PTPRN2: variants seen among roughly 807,000 people sequenced by gnomAD.
The protein encoded by PTPRN2 is receptor-type tyrosine-protein phosphatase N2.
In PTPRN2, 74 loss-of-function variants were observed where a neutral mutation model predicts 118.8. The observed-to-expected ratio is 0.62, with a 90% CI of 0.52 to 0.76. The LOEUF (loss-of-function observed/expected upper bound fraction) is 0.76. Among genes scored for constraint, PTPRN2 ranks in the 30% least tolerant of loss-of-function variants. PTPRN2 has a pLI of 0.00. For synonymous variants in PTPRN2, 641 were observed against 608.0 expected (o/e 1.05, Z -0.80); for missense variants, 1,481 against 1,394.4 (o/e 1.06, Z -0.99).
chr7:158,268,177 A>G (rs2150950272), intron 3 of PTPRN2, among the ~76,000 whole-genome samples: 1 of 152,356 alleles, frequency 6.6e-6, no homozygotes, highest in African/African-American at 2.4e-5. Flanking sequence ...TCAGTGACAC[A>G]ATGCCGCCTG....
intron 6 of PTPRN2, among the ~76,000 whole-genome samples, chr7:158,157,852 G>A (rs934417856): frequency 6.6e-6 from 1 of 152,178 alleles, no homozygotes; most frequent in South Asian, 2.1e-4. Flanking sequence ...AAGGCCTCAG[G>A]CAGTGCACAC....
At chr7:157,825,379 A>G (rs1807106435) in intron 12 of PTPRN2, among the ~76,000 whole-genome samples, 1 of 151,980 alleles carries the variant, frequency 6.6e-6, no homozygotes, top group Non-Finnish European at 1.5e-5. Context: ...TGTTTCTGGG[A>G]CCTCAGAGGC....
At chr7:158,202,189 A>C (rs1000686077) in intron 4 of PTPRN2, among the ~76,000 whole-genome samples, 4 of 152,230 alleles carry the variant, frequency 2.6e-5, no homozygotes, top group African/African-American at 7.2e-5. Flanking sequence ...AATATACTAG[A>C]AAGTAGATCA....
intron 1 of PTPRN2, among the ~76,000 whole-genome samples, chr7:158,557,349 C>T (rs1027413558): frequency 7.1e-6 from 1 of 140,282 alleles, no homozygotes; most frequent in Admixed American, 7.0e-5. Flanking sequence ...GCAGGTCAGA[C>T]GGCTCCCACG....
intron 6 of PTPRN2, among the ~76,000 whole-genome samples, chr7:158,149,419 G>T (rs780675099): frequency 1.3e-5 from 2 of 149,594 alleles, no homozygotes; most frequent in African/African-American, 2.5e-5. Flanking sequence ...AAATGTATAA[G>T]ATGTTACCTT....
intron 1 of PTPRN2, among the ~76,000 whole-genome samples, chr7:158,493,750 TG>T (rs1821620016): frequency 9.9e-6 from 1 of 100,914 alleles, no homozygotes; most frequent in Non-Finnish European, 2.1e-5. Context: ...CACACGTACA[TG>T]GGTACACTCA....
At chr7:158,333,165 C>A (rs536690039) in intron 2 of PTPRN2, among the ~76,000 whole-genome samples, 1 of 107,410 alleles carries the variant, frequency 9.3e-6, no homozygotes, top group Non-Finnish European at 1.9e-5. Context: ...GAGGTGACAC[C>A]TGCAGACGTC....
chr7:158,304,460 CA>C (rs1801129918), intron 3 of PTPRN2, among the ~76,000 whole-genome samples: 1 of 145,520 alleles, frequency 6.9e-6, no homozygotes, highest in African/African-American at 2.6e-5. Flanking sequence ...CCCGTCAATA[CA>C]CTAAGATGTA....
At chr7:157,597,258 GAAA>G (rs1430651214) in intron 16 of PTPRN2, among the ~76,000 whole-genome samples, 40 of 152,322 alleles carry the variant, frequency 2.6e-4, no homozygotes, top group African/African-American at 9.4e-4. Context: ...ACCTCGTTTT[GAAA>G]TTCGCCACAA....
At chr7:157,943,303 C>T (rs553751199) in intron 11 of PTPRN2, among the ~76,000 whole-genome samples, 14 of 152,268 alleles carry the variant, frequency 9.2e-5, no homozygotes, top group Middle Eastern at 3.4e-3. Flanking sequence ...CTGCGGACCC[C>T]CAGAGGGTCT....
rs78616473 is a variant in PTPRN2 at position 158,546,047 on chromosome 7, G to C, written c.112+41511C>G. ...TACAGGACTTTCAAAATTCCAGGAG[G>C]TAATTTACCTCCAGCAAGGGCTGGA... On this transcript the variant is annotated intron_variant, in intron 1 of 22. Coordinates refer to ENST00000389418, the MANE Select transcript of PTPRN2 (RefSeq NM_002847.5). This position sits in a 1 kb window ranked among gnomAD's most constrained non-coding sequence, Gnocchi z 5.0. Among the ~76,000 whole-genome samples, 1 of 152,176 alleles carries C rather than the reference G, an allele frequency of 6.6e-6. No homozygotes were observed. The highest frequency in any genetic ancestry group is 1.5e-5 in the Non-Finnish European group (1 of 68,034).
At chr7:157,689,635 C>T (rs1349754775) in intron 12 of PTPRN2, among the ~76,000 whole-genome samples, 1 of 152,236 alleles carries the variant, frequency 6.6e-6, no homozygotes, top group Non-Finnish European at 1.5e-5. Context: ...CGGAACTGCA[C>T]AGGTAGTTAC....
intron 12 of PTPRN2, among the ~76,000 whole-genome samples, chr7:157,765,014 T>TTCCA (rs111203008): frequency 0.12 from 17,486 of 145,422 alleles, 1,301 homozygotes; most frequent in African/African-American, 0.2. Context: ...TCCATCATTC[T>TTCCA]TCCATCCATC....
chr7:157,781,741 C>G (rs1196315629), intron 12 of PTPRN2, among the ~76,000 whole-genome samples: 2 of 152,226 alleles, frequency 1.3e-5, no homozygotes, highest in African/African-American at 4.8e-5. Context: ...ATCAAGTCAT[C>G]TGACTTCACA....
chr7:158,073,508 C>T (rs1206895387), intron 11 of PTPRN2, among the ~76,000 whole-genome samples: 1 of 152,222 alleles, frequency 6.6e-6, no homozygotes. Context: ...AGCTGCCCTG[C>T]AGAACACAGC....
At chr7:158,587,536 T>C (rs1390942091) in intron 1 of PTPRN2, 22 bp downstream of exon 1, 5 of 1,131,446 alleles carry the variant, frequency 4.4e-6, no homozygotes, top group Admixed American at 5.2e-5. Flanking sequence ...GAGGCGCCCC[T>C]CCCCCGGCGC....
At chr7:157,908,960 C>G (rs1415847381) in intron 11 of PTPRN2, among the ~76,000 whole-genome samples, 4 of 152,048 alleles carry the variant, frequency 2.6e-5, no homozygotes, top group African/African-American at 9.7e-5. Flanking sequence ...TGAATCATTT[C>G]TGTCTAAAAC....
At chr7:158,322,026 T>C (rs1189263917) in intron 2 of PTPRN2, among the ~76,000 whole-genome samples, 2 of 152,172 alleles carry the variant, frequency 1.3e-5, no homozygotes, top group African/African-American at 4.8e-5. Flanking sequence ...TCCCTCTGTC[T>C]TCCCTGCAGC....
At chr7:158,074,297 C>T (rs1007225108) in intron 11 of PTPRN2, among the ~76,000 whole-genome samples, 4 of 152,144 alleles carry the variant, frequency 2.6e-5, no homozygotes, top group African/African-American at 4.8e-5. Flanking sequence ...CTGGGCGTTC[C>T]GTGGAGAGAA....
Sources: allele counts gnomAD v4.1 joint callset (sites outside exome capture counted in the v4.1 genomes callset), GRCh38; gene constraint gnomAD v4.1.1; non-coding constraint Gnocchi (gnomAD v3.1); transcripts MANE v1.5; gene names NCBI Gene and HGNC (gene_info 2026-07-23, HGNC 2026-07-21).